The following CREB5 variants were observed in gnomAD, a reference collection of about 807,000 sequenced individuals.
The protein encoded by CREB5 is cyclic AMP-responsive element-binding protein 5.
Under a neutral mutation model 57.1 loss-of-function variants are expected in CREB5, and 19 were observed. That is an observed-to-expected ratio of 0.33 (90% CI 0.23 to 0.49). The LOEUF (loss-of-function observed/expected upper bound fraction) is 0.49, where lower values mean the gene tolerates loss of function less well. CREB5 is among the 20% of genes least tolerant of loss of function. The pLI is 0.99. For synonymous variants in CREB5, 238 were observed against 238.3 expected (o/e 1.00, Z 0.01); for missense variants, 579 against 671.6 (o/e 0.86, Z 1.52).
chr7:28,574,123 T>C (rs941271250), intron 5 of CREB5, among the ~76,000 whole-genome samples: 2 of 152,220 alleles, frequency 1.3e-5, no homozygotes, highest in South Asian at 4.1e-4. Context: ...AAGAGTGTCT[T>C]TGGCTGATTG....
chr7:28,795,123 A>G (rs961489330), intron 7 of CREB5, among the ~76,000 whole-genome samples: 8 of 152,196 alleles, frequency 5.3e-5, no homozygotes, highest in African/African-American at 1.7e-4. Context: ...CAGCTGAAAA[A>G]TCACATCAGC....
intron 7 of CREB5, among the ~76,000 whole-genome samples, chr7:28,740,826 AT>A (rs1394549868): frequency 1.3e-5 from 2 of 152,134 alleles, no homozygotes; most frequent in Non-Finnish European, 2.9e-5. Flanking sequence ...GAAAAAGGAA[AT>A]TTTATTTTTT....
At chr7:28,657,614 A>G (rs149080847) in intron 5 of CREB5, among the ~76,000 whole-genome samples, 2 of 149,194 alleles carry the variant, frequency 1.3e-5, no homozygotes, top group African/African-American at 4.9e-5. Context: ...CTACTTGTGC[A>G]GCGGAGGCAG....
intron 7 of CREB5, 86 bp downstream of exon 7, chr7:28,724,418 A>C: frequency 9.1e-7 from 1 of 1,100,408 alleles, no homozygotes; most frequent in Non-Finnish European, 1.3e-6. Context: ...TAGTTCAGCT[A>C]GGTAGAGGGC....
intron 5 of CREB5, among the ~76,000 whole-genome samples, chr7:28,600,001 G>A (rs900539010): frequency 2.6e-5 from 4 of 152,166 alleles, no homozygotes; most frequent in African/African-American, 7.2e-5. Flanking sequence ...GTGACGTTGA[G>A]AGGGTGAAGA....
rs867709027 is a variant in CREB5 at position 28,551,733 on chromosome 7, T to A, written c.292-18632T>A. ...GGAGGAGAACTCACTGTCTCAGGCC[T>A]CCCAGCTCTCACACCTGCCATGCCA... On this transcript the variant is annotated intron_variant, in intron 4 of 10. Coordinates refer to ENST00000357727, the MANE Select transcript of CREB5 (RefSeq NM_182898.4). Among the ~76,000 whole-genome samples, 33 of 152,240 alleles carry A rather than the reference T, an allele frequency of 2.2e-4. 1 individual carries two copies. The highest frequency in any genetic ancestry group is 3.4e-3 in the Middle Eastern group (1 of 294).
intron 1 of CREB5, among the ~76,000 whole-genome samples, chr7:28,444,668 T>A (rs1348495728): frequency 6.6e-6 from 1 of 152,214 alleles, no homozygotes; most frequent in Non-Finnish European, 1.5e-5. Context: ...CATGGATTAG[T>A]ATAGCACAGT....
intron 1 of CREB5, among the ~76,000 whole-genome samples, chr7:28,480,160 A>C (rs1791262965): frequency 6.6e-6 from 1 of 152,184 alleles, no homozygotes; most frequent in South Asian, 2.1e-4. Flanking sequence ...AATCAAATGC[A>C]CTCAAACTGC....
chr7:28,495,000 G>A lies in CREB5; in HGVS notation c.169+1G>A. 6.3e-7 allele frequency: 1 copy of A among 1,586,774 alleles called. No individual in the cohort carries two copies. The highest frequency in any genetic ancestry group is 8.5e-7 in the Non-Finnish European group (1 of 1,171,016). ...ATAAAAACAGACAATATGTTATCAGGTAAGGAGCCATCAGGAAAAGAAGCT... is the reference window on the plus strand; with the variant it reads ...ATAAAAACAGACAATATGTTATCAGATAAGGAGCCATCAGGAAAAGAAGCT... On this transcript the variant is annotated splice_donor_variant, in intron 3 of 10. Transcript: ENST00000357727. LOFTEE classifies it high-confidence loss of function.
intron 7 of CREB5, among the ~76,000 whole-genome samples, chr7:28,797,853 A>T (rs1351087407): frequency 6.6e-6 from 1 of 152,202 alleles, no homozygotes; most frequent in East Asian, 1.9e-4. Flanking sequence ...ATTAAAAGCA[A>T]TGAAGTGAAG....
chr7:28,396,956 T>C (rs2127998909), intron 1 of CREB5, among the ~76,000 whole-genome samples: 1 of 152,314 alleles, frequency 6.6e-6, no homozygotes, highest in Admixed American at 6.5e-5. Context: ...CCTGAGTCTC[T>C]TTTTATAAAG....
rs188377269 is a variant in CREB5, at chr7:28,686,219, C to A, written c.465-32534C>A. 8.9e-4 allele frequency: 1,404 copies of A among 1,585,950 alleles called. 5 individuals carry two copies. The highest frequency in any genetic ancestry group is 1.1e-3 in the Non-Finnish European group (1,225 of 1,156,726). ...TGAGGTTTGTTTTTAATTTTATTTT[C>A]TTTTCTCCTGATTTTATAGATTTTT... is the stretch of plus-strand genomic sequence containing the variant. On this transcript the variant is annotated intron_variant, in intron 5 of 10. Transcript: ENST00000357727.
intron 9 of CREB5, among the ~76,000 whole-genome samples, chr7:28,809,757 A>G (rs184754434): frequency 2.8e-4 from 42 of 152,334 alleles, no homozygotes; most frequent in Admixed American, 5.9e-4. Flanking sequence ...CTTCCTCTAC[A>G]GAATGGGAAT....
intron 4 of CREB5, among the ~76,000 whole-genome samples, chr7:28,563,031 C>G (rs1178081487): frequency 6.6e-6 from 1 of 152,172 alleles, no homozygotes; most frequent in Non-Finnish European, 1.5e-5. Context: ...TGATTTTGAA[C>G]AAGTCACTTA....
chr7:28,602,605 A>G (rs755184940), intron 5 of CREB5, among the ~76,000 whole-genome samples: 4 of 152,340 alleles, frequency 2.6e-5, no homozygotes, highest in African/African-American at 7.2e-5. Flanking sequence ...GAAAAAGCCA[A>G]TCTCAAAAGA....
intron 5 of CREB5, among the ~76,000 whole-genome samples, chr7:28,637,173 G>GAAAGAAAAGAAAGGA (rs572978936): frequency 4.0e-5 from 6 of 151,704 alleles, no homozygotes; most frequent in African/African-American, 1.5e-4. Context: ...AACAAAAAAA[G>GAAAGAAAAGAAAGGA]AAAGAAAAGA....
intron 1 of CREB5, among the ~76,000 whole-genome samples, chr7:28,304,032 A>G (rs1785144399): frequency 6.6e-6 from 1 of 152,200 alleles, no homozygotes; most frequent in Non-Finnish European, 1.5e-5. Flanking sequence ...TTGGAATGCT[A>G]TAATGTGGCT....
intron 1 of CREB5, among the ~76,000 whole-genome samples, chr7:28,415,300 G>C (rs530248039): frequency 1.3e-5 from 2 of 152,206 alleles, no homozygotes; most frequent in South Asian, 4.2e-4. Flanking sequence ...TTTTACAGAA[G>C]AGACCCCTGG....
chr7:28,396,124 T>A (rs1787329733), intron 1 of CREB5, among the ~76,000 whole-genome samples: 1 of 152,220 alleles, frequency 6.6e-6, no homozygotes, highest in East Asian at 1.9e-4. Context: ...AGCCATACAC[T>A]GTCACATTTT....
Sources: allele counts gnomAD v4.1 joint callset (sites outside exome capture counted in the v4.1 genomes callset), GRCh38; gene constraint gnomAD v4.1.1; transcripts MANE v1.5; gene names NCBI Gene and HGNC (gene_info 2026-07-23, HGNC 2026-07-21).